NUP155: variants seen among roughly 807,000 people sequenced by gnomAD.
The protein encoded by NUP155 is nucleoporin 155.
NUP155 carries 71 observed loss-of-function variants against 180.4 expected under a neutral mutation model. The ratio of observed to expected loss-of-function variants is 0.39; its 90% CI spans 0.33 to 0.48. The LOEUF is 0.48. Ranked by LOEUF, NUP155 falls within the 20% of genes least tolerant of loss-of-function variation. NUP155 has a pLI of 0.91. For missense variants in NUP155, 1,553 were observed against 1,648.9 expected (o/e 0.94, Z 1.01); for synonymous variants, 582 against 559.5 (o/e 1.04, Z -0.57).
intron 3 of NUP155, among the ~76,000 whole-genome samples, chr5:37,360,053 G>A (rs1404957339): frequency 2.6e-5 from 4 of 152,068 alleles, no homozygotes; most frequent in East Asian, 1.9e-4. Context: ...GGGAGGTGGA[G>A]GTTGCAGTGA....
In NUP155 at chr5:37,307,924, A is replaced by G. The variant is rs373419675; in HGVS notation, c.2768-492T>C. On this transcript the variant is annotated intron_variant, in intron 24 of 34. Transcript: ENST00000231498. ...GTGACAGAACAAGACTCTGTCTCAC[A>G]AAAAAAAAAAGAAAAAGGAAAAAAA... Among the ~76,000 whole-genome samples, 183 of 95,148 alleles carry G rather than the reference A, an allele frequency of 1.9e-3. 4 individuals carry two copies. Among genetic ancestry groups the G allele is most frequent in the Admixed American group, 0.017 (120 of 7,116 alleles). 62.4% of individuals were successfully genotyped at this position (95,148 alleles called of 152,430 possible).
In NUP155 at chr5:37,349,452, A is replaced by G. The variant is rs577454724; in HGVS notation, c.830-207T>C. On this transcript the variant is annotated intron_variant, in intron 7 of 34. Coordinates refer to ENST00000231498, the MANE Select transcript of NUP155 (RefSeq NM_153485.3). ...GTCAGACAACACATGAAAAAAACACATGCTAAATACTGTGACTGGGTTATG... is the reference window on the plus strand; with the variant it reads ...GTCAGACAACACATGAAAAAAACACGTGCTAAATACTGTGACTGGGTTATG... 1.1e-4 allele frequency among the ~76,000 whole-genome samples: 17 copies of G among 152,290 alleles called. 1 individual carries two copies. In the South Asian group the frequency reaches 3.5e-3, roughly 32 times the overall value.
intron 9 of NUP155, among the ~76,000 whole-genome samples, chr5:37,345,054 G>A (rs1003815485): frequency 3.3e-5 from 5 of 149,770 alleles, no homozygotes; most frequent in Admixed American, 1.3e-4. Context: ...GGAGGTGTCC[G>A]TGCCTGTGGT....
intron 1 of NUP155, 66 bp from the exon 2 acceptor site, chr5:37,364,450 G>A: frequency 1.4e-6 from 2 of 1,425,850 alleles, no homozygotes; most frequent in African/African-American, 1.4e-5. Flanking sequence ...CAAAAGGATT[G>A]AGTGCCACAA....
chr5:37,337,343 T>C (rs1745395853), intron 12 of NUP155, among the ~76,000 whole-genome samples: 1 of 152,128 alleles, frequency 6.6e-6, no homozygotes, highest in African/African-American at 2.4e-5. Flanking sequence ...GAGGTTCAAT[T>C]GACTCTTCAA....
intron 34 of NUP155, 76 bp downstream of exon 34, chr5:37,292,803 C>T: frequency 1.1e-6 from 1 of 881,680 alleles, no homozygotes; most frequent in South Asian, 1.3e-5. Flanking sequence ...CCCATCTTCT[C>T]TTCAAATTTT....
At position 37,301,264 on chromosome 5, in the gene NUP155, G is replaced by A. The variant is rs533846946; in HGVS notation, c.3561+173C>T. The A allele has an allele frequency of 2.6e-5, 15 of 569,238 alleles. No homozygotes were observed. In the East Asian group the frequency reaches 4.1e-4, roughly 15 times the overall value. 35.3% of individuals were successfully genotyped at this position (569,238 alleles called of 1,614,324 possible). ...GAAAGAGTAGCTTAGCCTTTTTCTA[G>A]GAGTCAGATGAAGCAGTGGTGATCT... is the stretch of plus-strand genomic sequence containing the variant. On this transcript the variant is annotated intron_variant, in intron 30 of 34. Coordinates refer to ENST00000231498, the MANE Select transcript of NUP155 (RefSeq NM_153485.3).
chr5:37,322,479 G>A lies in NUP155; in HGVS notation c.2207+1513C>T, dbSNP rs561018683. ...TCTCAGCACTTTGGGAGGCCGAGGC[G>A]GGCGGATCACGAGGTCAGGAGATCG... On this transcript the variant is annotated intron_variant, in intron 20 of 34. Transcript: ENST00000231498. Among the ~76,000 whole-genome samples the A allele has an allele frequency of 5.3e-5, 8 of 151,786 alleles. No homozygotes were observed. The East Asian group carries it at 1.4e-3, about 26-fold the overall frequency.
chr5:37,304,178 A>G (rs944141170), intron 27 of NUP155, among the ~76,000 whole-genome samples: 2 of 134,512 alleles, frequency 1.5e-5, no homozygotes, highest in East Asian at 5.1e-4. Flanking sequence ...GGAACCCGGG[A>G]GGCGGAGGTT....
rs546063769 is a variant in NUP155 at position 37,350,161 on chromosome 5, A to C, written c.828T>G (p.Asp276Glu). The change falls in exon 7 of 35, where the codon GAT becomes GAG. Residue 276 changes from aspartate (D) to glutamate (E), a missense_variant and splice_region_variant. By Grantham distance (45) the Asp-to-Glu change is conservative. Coordinates refer to ENST00000231498, the MANE Select transcript of NUP155 (RefSeq NM_153485.3). ...CCAAATTTATTGTTTTCTACTTACC[A>C]TCTTCTGAGAACGTGAATTGTAGCA... is the stretch of plus-strand genomic sequence containing the variant. ...PSLLQFTFSE[D>E]DPILQIAIDN... 5.0e-5 allele frequency: 81 copies of C among 1,608,558 alleles called. 1 individual carries two copies. The South Asian group carries it at 8.9e-4, about 18-fold the overall frequency.
chr5:37,370,061 C>T (rs1747858829), intron 1 of NUP155, among the ~76,000 whole-genome samples: 1 of 152,212 alleles, frequency 6.6e-6, no homozygotes, highest in Non-Finnish European at 1.5e-5. Flanking sequence ...TCATAACACA[C>T]ATCTCTACAC....
intron 26 of NUP155, 36 bp from the exon 27 acceptor site, chr5:37,304,879 A>C: frequency 1.3e-6 from 2 of 1,580,792 alleles, no homozygotes; most frequent in Non-Finnish European, 1.7e-6. Flanking sequence ...TAGCAGTTAA[A>C]GGCTCTGTTT....
chr5:37,326,976 C>G (rs1744639629), intron 18 of NUP155, among the ~76,000 whole-genome samples: 1 of 152,178 alleles, frequency 6.6e-6, no homozygotes, highest in South Asian at 2.1e-4. Context: ...ACTCCTCAGC[C>G]TACTCAGCGT....
chr5:37,318,757 T>C (rs1744066880), intron 20 of NUP155, among the ~76,000 whole-genome samples: 1 of 152,188 alleles, frequency 6.6e-6, no homozygotes, highest in Non-Finnish European at 1.5e-5. Flanking sequence ...ACGTTCATTC[T>C]TAAGGCTCAC....
chr5:37,294,304 T>A, intron 33 of NUP155, 25 bp downstream of exon 33: 1 of 1,436,426 alleles, frequency 7.0e-7, no homozygotes, highest in African/African-American at 1.4e-5. Context: ...GAAAATAATT[T>A]TATGTTATTT....
In NUP155 at chr5:37,341,249, A is replaced by T. The variant is rs1173838190; in HGVS notation, c.1094-7T>A. On this transcript the variant is annotated splice_region_variant and splice_polypyrimidine_tract_variant and intron_variant, in intron 10 of 34. Coordinates refer to ENST00000231498, the MANE Select transcript of NUP155 (RefSeq NM_153485.3). ...CTAAAATATAACCTAACACCTGAAG[A>T]TGGGGTAAAATTATGCATCAGTAAT... 1 of 1,613,312 alleles carries T rather than the reference A, an allele frequency of 6.2e-7. No homozygotes were observed. Among genetic ancestry groups the T allele is most frequent in the African/African-American group, 1.3e-5 (1 of 74,924 alleles).
intron 9 of NUP155, among the ~76,000 whole-genome samples, chr5:37,347,620 C>A (rs569646496): frequency 6.7e-6 from 1 of 149,568 alleles, no homozygotes; most frequent in East Asian, 2.0e-4. Flanking sequence ...CACTTGAACC[C>A]GGGAGACAGA....
intron 33 of NUP155, among the ~76,000 whole-genome samples, chr5:37,293,538 C>T (rs1250985179): frequency 6.6e-6 from 1 of 152,198 alleles, no homozygotes; most frequent in Non-Finnish European, 1.5e-5. Flanking sequence ...CTATAAAAGA[C>T]ACAATCTACT....
chr5:37,309,920 C>T (rs1401524891), intron 23 of NUP155, among the ~76,000 whole-genome samples: 1 of 151,906 alleles, frequency 6.6e-6, no homozygotes, highest in Non-Finnish European at 1.5e-5. Context: ...TGATGGTGCA[C>T]ACCTGTAATC....
Sources: gnomAD v4.1 joint callset for allele counts (sites outside exome capture counted in the v4.1 genomes callset) on GRCh38, gnomAD v4.1.1 for gene constraint, MANE v1.5 for transcripts, NCBI Gene and HGNC (gene_info 2026-07-23, HGNC 2026-07-21) for gene names.